RIN3: variants seen among roughly 807,000 people sequenced by gnomAD.
RIN3 encodes the protein RAB5 interacting protein 3.
A neutral mutation model predicts 76.3 loss-of-function variants in RIN3; 54 were observed. The observed-to-expected ratio is 0.71, with a 90% CI of 0.57 to 0.89. The LOEUF (loss-of-function observed/expected upper bound fraction) is 0.89. RIN3 is among the 40% of genes least tolerant of loss of function. RIN3 has a pLI of 0.00. For synonymous variants in RIN3, 576 were observed against 564.0 expected, an observed-to-expected ratio of 1.02 and a Z score of -0.30; for missense variants, 1,256 against 1,322.1, an observed-to-expected ratio of 0.95 and a Z score of 0.78.
chr14:92,661,101 C>T (rs1480100622), intron 7 of RIN3, among the ~76,000 whole-genome samples: 2 of 152,198 alleles, frequency 1.3e-5, no homozygotes, highest in Admixed American at 1.3e-4. Flanking sequence ...GGATAAAAGA[C>T]CCTAAGACCG....
intron 5 of RIN3, among the ~76,000 whole-genome samples, chr14:92,649,292 G>A (rs1308101129): frequency 1.3e-5 from 2 of 152,172 alleles, no homozygotes; most frequent in Non-Finnish European, 2.9e-5. Context: ...GTGGGCACCG[G>A]GGGTCTCAGC....
intron 5 of RIN3, among the ~76,000 whole-genome samples, chr14:92,650,533 G>C (rs2402173): frequency 0.12 from 18,784 of 152,256 alleles, 1,417 homozygotes; most frequent in East Asian, 0.25. Flanking sequence ...TGGGTGAAAG[G>C]CTGGCTGCAC....
intron 1 of RIN3, among the ~76,000 whole-genome samples, chr14:92,550,049 G>A (rs932031350): frequency 9.9e-5 from 15 of 152,180 alleles, no homozygotes; most frequent in Non-Finnish European, 1.8e-4. Flanking sequence ...TGGGCTTAGC[G>A]ACGGTTCCTG....
At chr14:92,666,154 C>T (rs935947717) in intron 7 of RIN3, among the ~76,000 whole-genome samples, 12 of 152,102 alleles carry the variant, frequency 7.9e-5, no homozygotes, top group African/African-American at 2.7e-4. Flanking sequence ...CTTCCCAGCC[C>T]CCTCACCTCC....
chr14:92,611,093 G>A (rs550903126), intron 3 of RIN3, among the ~76,000 whole-genome samples: 20 of 152,270 alleles, frequency 1.3e-4, no homozygotes, highest in African/African-American at 2.6e-4. Flanking sequence ...GCCAGAAATC[G>A]GAAATCAAGG....
At chr14:92,659,903 G>A (rs574573729) in intron 7 of RIN3, among the ~76,000 whole-genome samples, 4 of 152,294 alleles carry the variant, frequency 2.6e-5, no homozygotes, top group East Asian at 1.9e-4. Flanking sequence ...TGTTCCTTCC[G>A]AGCTTCTGGT....
chr14:92,609,095 G>A (rs1301371845), intron 3 of RIN3, among the ~76,000 whole-genome samples: 2 of 151,970 alleles, frequency 1.3e-5, no homozygotes, highest in South Asian at 2.1e-4. Flanking sequence ...ATGCCTTTGC[G>A]ATCTCATAGC....
At chr14:92,637,715 CAG>C (rs1886825602) in intron 4 of RIN3, among the ~76,000 whole-genome samples, 1 of 152,068 alleles carries the variant, frequency 6.6e-6, no homozygotes. Context: ...AGTGGGATAA[CAG>C]GGAAAGCTCT....
intron 3 of RIN3, among the ~76,000 whole-genome samples, chr14:92,603,051 C>T (rs953230321): frequency 1.1e-4 from 17 of 152,228 alleles, no homozygotes; most frequent in South Asian, 2.1e-4. Context: ...TCACTATGCC[C>T]TACTCTGCAC....
At chr14:92,628,464 G>A (rs1316664295) in intron 4 of RIN3, among the ~76,000 whole-genome samples, 1 of 152,206 alleles carries the variant, frequency 6.6e-6, no homozygotes, top group Non-Finnish European at 1.5e-5. Flanking sequence ...CAATCTTAGA[G>A]TGTCAGATGT....
At chr14:92,649,876 G>T (rs916752585) in intron 5 of RIN3, among the ~76,000 whole-genome samples, 2 of 152,144 alleles carry the variant, frequency 1.3e-5, no homozygotes, top group Non-Finnish European at 2.9e-5. Context: ...GGACAGGGCT[G>T]GGGGGTGCAC....
intron 3 of RIN3, among the ~76,000 whole-genome samples, chr14:92,596,986 T>G (rs904905422): frequency 2.6e-5 from 4 of 151,904 alleles, no homozygotes; most frequent in Non-Finnish European, 4.4e-5. Context: ...GGTTTGTTTG[T>G]TTTTTTTCCC....
intron 2 of RIN3, among the ~76,000 whole-genome samples, chr14:92,562,471 G>C (rs1208033956): frequency 6.6e-6 from 1 of 152,188 alleles, no homozygotes; most frequent in Non-Finnish European, 1.5e-5. Flanking sequence ...GAATTTGTCT[G>C]TACAAGAGAT....
At chr14:92,576,619 T>C (rs1020817908) in intron 2 of RIN3, among the ~76,000 whole-genome samples, 6 of 152,162 alleles carry the variant, frequency 3.9e-5, no homozygotes, top group Admixed American at 1.3e-4. Context: ...GCGTGTCCTG[T>C]GGGCCAAGCC....
intron 1 of RIN3, among the ~76,000 whole-genome samples, chr14:92,544,591 G>GGGGACAGGGCACTGGCAGAA (rs1369554757): frequency 6.6e-6 from 1 of 152,218 alleles, no homozygotes; most frequent in East Asian, 1.9e-4. Context: ...GAGTGGTCAT[G>GGGGACAGGGCACTGGCAGAA]GGGACAGGGC....
intron 3 of RIN3, among the ~76,000 whole-genome samples, chr14:92,597,640 A>G (rs1361170534): frequency 6.6e-6 from 1 of 152,152 alleles, no homozygotes. Flanking sequence ...AGTGGGGTAG[A>G]TTCTACTGGA....
At chr14:92,610,049 T>A (rs748164375) in intron 3 of RIN3, among the ~76,000 whole-genome samples, 12 of 152,144 alleles carry the variant, frequency 7.9e-5, no homozygotes, top group Non-Finnish European at 1.3e-4. Flanking sequence ...TTTTAAGTAT[T>A]AAATATCATA....
At position 92,688,314 on chromosome 14, in the gene RIN3, C is replaced by CT. The variant is rs1566906766; in HGVS notation, c.*62_*63insT. On this transcript the variant is annotated 3_prime_UTR_variant, in exon 10 of 10. Transcript: ENST00000216487. Reference sequence around the variant, plus strand: ...ACGTCTGGCCCCGCCTCTGGCTGCGCACTCCCGACCGCGACGTCCACGCAG... The same window carrying CT: ...ACGTCTGGCCCCGCCTCTGGCTGCGCTACTCCCGACCGCGACGTCCACGCAG... 56 of 1,416,536 alleles carry CT rather than the reference C, an allele frequency of 4.0e-5. No homozygotes were observed. Among genetic ancestry groups the CT allele is most frequent in the Non-Finnish European group, 5.0e-5 (54 of 1,070,304 alleles). The allele number at this position is 1,416,536 out of a possible 1,614,324, so 87.7% of individuals were successfully genotyped here.
At chr14:92,626,857 G>A (rs1886375514) in intron 4 of RIN3, among the ~76,000 whole-genome samples, 1 of 152,172 alleles carries the variant, frequency 6.6e-6, no homozygotes, top group African/African-American at 2.4e-5. Flanking sequence ...GGGGAAAGAG[G>A]AGAACAGGTT....
Sources: gnomAD v4.1 joint callset for allele counts (sites outside exome capture counted in the v4.1 genomes callset) on GRCh38, gnomAD v4.1.1 for gene constraint, MANE v1.5 for transcripts, NCBI Gene and HGNC (gene_info 2026-07-23, HGNC 2026-07-21) for gene names.